Variants in DGKZ observed in about 807,000 individuals in gnomAD.
The protein encoded by DGKZ is diacylglycerol kinase zeta.
Under a neutral mutation model 142.5 loss-of-function variants are expected in DGKZ, and 45 were observed. The ratio of observed to expected loss-of-function variants is 0.32; its 90% CI spans 0.25 to 0.40. DGKZ has a LOEUF of 0.40. Among genes scored for constraint, DGKZ ranks in the 10% least tolerant of loss-of-function variants. The pLI is 1.00. For missense variants in DGKZ, 755 were observed against 1,306.5 expected (o/e 0.58, Z 6.51); for synonymous variants, 442 against 527.0 (o/e 0.84, Z 2.21).
intron 1 of DGKZ, among the ~76,000 whole-genome samples, chr11:46,351,694 A>G (rs571148882): frequency 1.2e-4 from 18 of 152,256 alleles, no homozygotes; most frequent in Non-Finnish European, 2.5e-4. Flanking sequence ...ACAACCTAGA[A>G]TCCTTGGGTT....
intron 1 of DGKZ, among the ~76,000 whole-genome samples, chr11:46,362,645 C>T (rs1276945419): frequency 6.6e-6 from 1 of 152,186 alleles, no homozygotes; most frequent in Non-Finnish European, 1.5e-5. Context: ...AATTGAGGCT[C>T]AGAAAGGTTA....
chr11:46,359,929 T>C (rs1393938439), intron 1 of DGKZ, among the ~76,000 whole-genome samples: 1 of 152,192 alleles, frequency 6.6e-6, no homozygotes, highest in African/African-American at 2.4e-5. Context: ...GATACGGTTT[T>C]AGATTCCACA....
chr11:46,371,325 A>C (rs1332856463), exon 7 of DGKZ: 1 of 1,613,838 alleles, frequency 6.2e-7, no homozygotes, highest in Non-Finnish European at 8.5e-7. Flanking sequence ...ATTCCAGCAG[A>C]AGTTCACCTT....
chr11:46,341,283 G>T (rs553826734), intron 1 of DGKZ, among the ~76,000 whole-genome samples: 1 of 152,210 alleles, frequency 6.6e-6, no homozygotes, highest in South Asian at 2.1e-4. Context: ...ACAAACTCAT[G>T]TACCCAGCAC....
intron 14 of DGKZ, among the ~76,000 whole-genome samples, chr11:46,373,565 T>G (rs1379475281): frequency 6.6e-6 from 1 of 151,216 alleles, no homozygotes; most frequent in African/African-American, 2.4e-5. Flanking sequence ...TGGCACAGTC[T>G]TGGCTCACTG....
At chr11:46,339,144 C>G (rs1159228311) in intron 1 of DGKZ, among the ~76,000 whole-genome samples, 1 of 152,222 alleles carries the variant, frequency 6.6e-6, no homozygotes, top group Non-Finnish European at 1.5e-5. Flanking sequence ...GAGGATGCCC[C>G]CTGCCGTGGG....
At position 46,375,615 on chromosome 11, in the gene DGKZ, G is replaced by A. The variant is rs558925508; in HGVS notation, c.1894G>A (p.Ala632Thr). The A allele has an allele frequency of 1.1e-4, 176 of 1,573,124 alleles. No individual in the cohort carries two copies. The highest frequency in any genetic ancestry group is 1.5e-4 in the Non-Finnish European group (170 of 1,166,442). Residue 632 changes from alanine (A) to threonine (T), a missense_variant, in exon 20 of 31, where the codon GCC becomes ACC. Coordinates refer to ENST00000527911, the Ensembl canonical transcript of DGKZ. ...GCAGAAGGCCAAGCGGCGGAGCGCC[G>A]CCCCCCTGCACAGCGAGTACGTCCC...
At chr11:46,377,129 T>C in exon 25 of DGKZ, 1 of 1,613,314 alleles carries the variant, frequency 6.2e-7, no homozygotes, top group Non-Finnish European at 8.5e-7. Context: ...TCCTGGACCC[T>C]GAGCTGCTGG....
chr11:46,375,081 C>T, intron 19 of DGKZ, 36 bp downstream of exon 19: 1 of 1,536,170 alleles, frequency 6.5e-7, no homozygotes, highest in Non-Finnish European at 8.7e-7. Flanking sequence ...CCTGGGAGCA[C>T]AGCCCAAAGG....
At chr11:46,373,775 G>C (rs1232908181) in intron 14 of DGKZ, among the ~76,000 whole-genome samples, 1 of 152,234 alleles carries the variant, frequency 6.6e-6, no homozygotes, top group African/African-American at 2.4e-5. Flanking sequence ...TGGGATTACA[G>C]GCATGAGCCA....
chr11:46,339,689 G>C (rs550578525), intron 1 of DGKZ, among the ~76,000 whole-genome samples: 28 of 152,358 alleles, frequency 1.8e-4, no homozygotes, highest in Middle Eastern at 6.8e-3. Flanking sequence ...GGGAACCTGG[G>C]AAGGCCAGTT....
intron 1 of DGKZ, chr11:46,365,114 G>T: frequency 1.0e-6 from 1 of 985,424 alleles, no homozygotes; most frequent in Non-Finnish European, 1.2e-6. Context: ...AGCTGGCAGA[G>T]GGAGCAAAGC....
chr11:46,338,484 AAACTCCATCTC>A (rs1206478637), intron 1 of DGKZ: 23 of 145,912 alleles, frequency 1.6e-4, no homozygotes, highest in Non-Finnish European at 3.1e-4. Flanking sequence ...CAACAGAGCA[AAACTCCATCTC>A]AAAAAAAAAA....
intron 6 of DGKZ, among the ~76,000 whole-genome samples, 188 bp downstream of exon 6, chr11:46,370,197 G>A (rs187215462): frequency 7.9e-5 from 12 of 152,356 alleles, no homozygotes; most frequent in Non-Finnish European, 1.5e-4. Flanking sequence ...GGGCTTAGTA[G>A]GAGAGCAGGG....
chr11:46,367,287 C>T lies in DGKZ; in HGVS notation c.162-4C>T. 2 of 1,610,972 alleles carry T rather than the reference C, an allele frequency of 1.2e-6. No homozygotes were observed. The highest frequency in any genetic ancestry group is 1.7e-6 in the Non-Finnish European group (2 of 1,179,266). On this transcript the variant is annotated splice_polypyrimidine_tract_variant and splice_region_variant and intron_variant, in intron 1 of 30. Transcript: ENST00000527911. The surrounding 1 kb of genome is among the most constrained non-coding windows in gnomAD (Gnocchi z 4.1). Reference sequence around the variant, plus strand: ...CCCCTCCTCAGCTGTCTTCTCCTCTCTAGGAAAGCCATCACCAAGTCGGGC... The same window carrying T: ...CCCCTCCTCAGCTGTCTTCTCCTCTTTAGGAAAGCCATCACCAAGTCGGGC...
In DGKZ at chr11:46,372,035, G is replaced by A. The variant is rs1269128080; in HGVS notation, c.832-40G>A. On this transcript the variant is annotated intron_variant, in intron 9 of 30. Transcript: ENST00000527911. This position sits in a 1 kb window ranked among gnomAD's most constrained non-coding sequence, Gnocchi z 5.9. ...GCTAAGGATGATGGTAGGGTGTCCT[G>A]GACGGGAAGGAGCTTACAGCCTCTC... 1 of 1,560,330 alleles carries A rather than the reference G, an allele frequency of 6.4e-7. No homozygotes were observed.
At chr11:46,362,685 T>C (rs2136445590) in intron 1 of DGKZ, among the ~76,000 whole-genome samples, 1 of 152,314 alleles carries the variant, frequency 6.6e-6, no homozygotes, top group African/African-American at 2.4e-5. Context: ...CAGTGGCAGA[T>C]TCAGGATGCC....
At chr11:46,376,674 T>G in intron 24 of DGKZ, 110 bp downstream of exon 24, 1 of 1,414,712 alleles carries the variant, frequency 7.1e-7, no homozygotes. Context: ...TCTGTCCTCA[T>G]GCCTCTGAGA....
chr11:46,379,405 T>G, intron 29 of DGKZ, 64 bp from the exon 30 acceptor site: 1 of 1,585,612 alleles, frequency 6.3e-7, no homozygotes, highest in Non-Finnish European at 8.6e-7. Flanking sequence ...CTGATGGCCC[T>G]TGGGAGACAG....
Sources: gnomAD v4.1 joint callset for allele counts (sites outside exome capture counted in the v4.1 genomes callset) on GRCh38, gnomAD v4.1.1 for gene constraint, Gnocchi (gnomAD v3.1) non-coding constraint, MANE v1.5 for transcripts, NCBI Gene and HGNC (gene_info 2026-07-23, HGNC 2026-07-21) for gene names.